TDRD12: variants seen among roughly 807,000 people sequenced by gnomAD.
TDRD12 encodes the protein tudor domain containing 12, also known as putative ATP-dependent RNA helicase TDRD12.
A neutral mutation model predicts 133.5 loss-of-function variants in TDRD12; 158 were observed. The ratio of observed to expected loss-of-function variants is 1.18; its 90% CI spans 1.04 to 1.35. The LOEUF is 1.35. Among genes scored for constraint, TDRD12 ranks in the 40% most tolerant of loss-of-function variants. TDRD12 has a pLI of 0.00. For synonymous variants in TDRD12, 460 were observed against 477.9 expected, an observed-to-expected ratio of 0.96 and a Z score of 0.49; for missense variants, 1,443 against 1,321.3, an observed-to-expected ratio of 1.09 and a Z score of -1.43.
chr19:32,761,381 C>G (rs559951494), intron 8 of TDRD12, among the ~76,000 whole-genome samples: 6 of 152,172 alleles, frequency 3.9e-5, no homozygotes, highest in African/African-American at 9.7e-5. Context: ...CCGCCCGCCT[C>G]GGCCTCCCAA....
At chr19:32,756,029 C>G (rs1453040431) in exon 7 of TDRD12, 3 of 1,473,190 alleles carry the variant, frequency 2.0e-6, no homozygotes, top group Non-Finnish European at 2.7e-6. Context: ...AAGAACTATG[C>G]TTGTTATATG....
At chr19:32,803,770 G>A (rs1262473453) in intron 21 of TDRD12, among the ~76,000 whole-genome samples, 1 of 152,068 alleles carries the variant, frequency 6.6e-6, no homozygotes, top group East Asian at 1.9e-4. Context: ...AGGTGGAGTG[G>A]TAAACCATTG....
At chr19:32,790,492 C>A in intron 11 of TDRD12, 39 bp from the exon 12 acceptor site, 2 of 1,533,000 alleles carry the variant, frequency 1.3e-6, no homozygotes, top group Non-Finnish European at 1.8e-6. Flanking sequence ...AGGAAACAAA[C>A]ACCTTTTTCT....
chr19:32,752,718 T>C (rs923970699), intron 6 of TDRD12, among the ~76,000 whole-genome samples: 1 of 152,082 alleles, frequency 6.6e-6, no homozygotes, highest in Non-Finnish European at 1.5e-5. Context: ...TGAACACTCT[T>C]TACTCTCTGA....
intron 13 of TDRD12, among the ~76,000 whole-genome samples, chr19:32,791,408 G>A (rs182416447): frequency 2.0e-5 from 3 of 152,140 alleles, no homozygotes; most frequent in South Asian, 2.1e-4. Context: ...CTCCCCGACC[G>A]TTCTTTTCAA....
exon 6 of TDRD12, chr19:32,749,784 C>G: frequency 6.5e-7 from 1 of 1,546,628 alleles, no homozygotes; most frequent in Non-Finnish European, 8.7e-7. Flanking sequence ...TGCTATTTAG[C>G]AACTACCCAG....
At chr19:32,783,841 A>G (rs1039702956) in intron 11 of TDRD12, among the ~76,000 whole-genome samples, 2 of 152,226 alleles carry the variant, frequency 1.3e-5, no homozygotes, top group African/African-American at 4.8e-5. Flanking sequence ...GAAGTTGCTT[A>G]TCAGCTTAAG....
intron 1 of TDRD12, among the ~76,000 whole-genome samples, chr19:32,727,822 C>T (rs1412808745): frequency 6.6e-6 from 1 of 152,158 alleles, no homozygotes; most frequent in Non-Finnish European, 1.5e-5. Context: ...GCATGTACCA[C>T]CACACCCGGC....
intron 4 of TDRD12, 40 bp from the exon 5 acceptor site, chr19:32,748,436 G>A (rs1376036371): frequency 6.5e-7 from 1 of 1,542,974 alleles, no homozygotes; most frequent in Non-Finnish European, 8.8e-7. Flanking sequence ...GCTAGCCTCA[G>A]ATTTTTATGT....
chr19:32,794,688 A>C, exon 14 of TDRD12: 1 of 703,102 alleles, frequency 1.4e-6, no homozygotes, highest in Non-Finnish European at 2.6e-6. Flanking sequence ...TTGGCCTCCC[A>C]TAGCGCGTGG....
At position 32,743,684 on chromosome 19, in the gene TDRD12, G is replaced by A. The variant is rs1185888405; in HGVS notation, c.440+784G>A. 5.3e-5 allele frequency among the ~76,000 whole-genome samples: 8 copies of A among 152,182 alleles called. No homozygotes were observed. The East Asian group carries it at 1.5e-3, about 29-fold the overall frequency. On this transcript the variant is annotated intron_variant, in intron 4 of 27. Transcript: ENST00000444215. ...TTTTACACACACTTATCTATGTGGA[G>A]CTTTTAACGAAAATTAGAACATACT...
At chr19:32,794,774 A>G in exon 14 of TDRD12, 1 of 703,470 alleles carries the variant, frequency 1.4e-6, no homozygotes, top group Non-Finnish European at 2.6e-6. Flanking sequence ...CAGTTTTGCA[A>G]ACAGGAGCCT....
intron 13 of TDRD12, 25 bp from the exon 14 acceptor site, chr19:32,794,603 G>A: frequency 1.4e-6 from 1 of 696,746 alleles, no homozygotes; most frequent in Non-Finnish European, 2.6e-6. Context: ...CCTTATTTTG[G>A]TTTCTGGTTG....
At chr19:32,733,562 T>C (rs1969126283) in intron 2 of TDRD12, among the ~76,000 whole-genome samples, 1 of 152,132 alleles carries the variant, frequency 6.6e-6, no homozygotes. Flanking sequence ...TTTTCAAGAA[T>C]AGGTGTACTG....
chr19:32,816,989 G>C (rs1324237148), intron 26 of TDRD12, among the ~76,000 whole-genome samples: 1 of 152,166 alleles, frequency 6.6e-6, no homozygotes, highest in Non-Finnish European at 1.5e-5. Context: ...AGGGGAATGA[G>C]AGAAGGAAGG....
At chr19:32,803,802 T>C (rs970101385) in intron 21 of TDRD12, among the ~76,000 whole-genome samples, 36 of 152,180 alleles carry the variant, frequency 2.4e-4, no homozygotes, top group African/African-American at 7.7e-4. Flanking sequence ...TGCATTTCCC[T>C]AATGATTAAT....
At chr19:32,799,680 G>A (rs1219951614) in intron 16 of TDRD12, among the ~76,000 whole-genome samples, 1 of 148,470 alleles carries the variant, frequency 6.7e-6, no homozygotes, top group Admixed American at 6.7e-5. Context: ...GAGATTGTAG[G>A]ATATTTATTG....
At chr19:32,800,454 C>A in intron 17 of TDRD12, 96 bp downstream of exon 17, 1 of 1,048,154 alleles carries the variant, frequency 9.5e-7, no homozygotes, top group Non-Finnish European at 1.3e-6. Context: ...TATTTCATGG[C>A]TTAGTATTAA....
At chr19:32,818,134 A>G (rs1473683835) in exon 27 of TDRD12, 5 of 702,572 alleles carry the variant, frequency 7.1e-6, no homozygotes, top group Admixed American at 2.0e-5. Flanking sequence ...AGGATCATCC[A>G]TCCGAGGAGC....
Sources: allele counts gnomAD v4.1 joint callset (sites outside exome capture counted in the v4.1 genomes callset), GRCh38; gene constraint gnomAD v4.1.1; transcripts MANE v1.5; gene names NCBI Gene and HGNC (gene_info 2026-07-23, HGNC 2026-07-21).